The following OTOGL variants were observed in gnomAD, a reference collection of about 807,000 sequenced individuals.
OTOGL encodes the protein otogelin-like protein.
OTOGL carries 285 observed loss-of-function variants against 318.5 expected under a neutral mutation model. The observed-to-expected ratio is 0.89, with a 90% CI of 0.81 to 0.99. The LOEUF (loss-of-function observed/expected upper bound fraction) is 0.99, where lower values mean the gene tolerates loss of function less well. Ranked by LOEUF, OTOGL falls within the 50% of genes least tolerant of loss-of-function variation. The pLI, the probability that OTOGL is intolerant of heterozygous loss-of-function variation, is 0.00. For synonymous variants in OTOGL, 987 were observed against 936.5 expected, an observed-to-expected ratio of 1.05 and a Z score of -0.99; for missense variants, 2,899 against 2,845.6, an observed-to-expected ratio of 1.02 and a Z score of -0.43.
chr12:80,284,082 T>C (rs967050897), intron 26 of OTOGL, among the ~76,000 whole-genome samples: 3 of 152,094 alleles, frequency 2.0e-5, no homozygotes, highest in Non-Finnish European at 4.4e-5. Context: ...CCTGTGTCCA[T>C]GTGTTCTCAT....
chr12:80,215,236 C>T (rs1030589352), intron 4 of OTOGL, among the ~76,000 whole-genome samples: 9 of 150,648 alleles, frequency 6.0e-5, no homozygotes, highest in Admixed American at 1.3e-4. Flanking sequence ...GCCTGATCTC[C>T]GCTCACTGCA....
chr12:80,160,702 C>A (rs1043369061), intron 1 of OTOGL, among the ~76,000 whole-genome samples: 4 of 152,108 alleles, frequency 2.6e-5, no homozygotes, highest in African/African-American at 9.7e-5. Context: ...AAAAGTAGAA[C>A]TACCATTTGA....
chr12:80,166,690 A>C (rs1394818394), intron 1 of OTOGL, among the ~76,000 whole-genome samples: 1 of 152,232 alleles, frequency 6.6e-6, no homozygotes, highest in Non-Finnish European at 1.5e-5. Context: ...TTCTGATTCC[A>C]AATTCCATAT....
intron 46 of OTOGL, 96 bp downstream of exon 46, chr12:80,353,606 A>G: frequency 2.1e-6 from 2 of 969,392 alleles, no homozygotes; most frequent in South Asian, 3.6e-5. Context: ...AAGGTTTATC[A>G]AAGACAGCCT....
chr12:80,105,115 AAACG>A (rs757508126), intron 1 of OTOGL, among the ~76,000 whole-genome samples: 33 of 152,280 alleles, frequency 2.2e-4, no homozygotes, highest in Admixed American at 8.5e-4. Context: ...AAAACAAAAC[AAACG>A]AACAAAACTG....
At chr12:80,118,580 T>C (rs921289715) in intron 1 of OTOGL, among the ~76,000 whole-genome samples, 1 of 152,200 alleles carries the variant, frequency 6.6e-6, no homozygotes, top group African/African-American at 2.4e-5. Context: ...TACCAGTCAT[T>C]TGACATAATT....
At chr12:80,283,676 G>T (rs1484765588) in intron 26 of OTOGL, among the ~76,000 whole-genome samples, 1 of 151,930 alleles carries the variant, frequency 6.6e-6, no homozygotes, top group Non-Finnish European at 1.5e-5. Context: ...GAGACCACAA[G>T]CTTAAACATG....
chr12:80,171,383 G>T (rs910729461), intron 1 of OTOGL, among the ~76,000 whole-genome samples: 7 of 152,182 alleles, frequency 4.6e-5, no homozygotes, highest in Non-Finnish European at 7.4e-5. Flanking sequence ...CCTGGATGAG[G>T]TTCTTTGTTT....
intron 1 of OTOGL, among the ~76,000 whole-genome samples, chr12:80,146,474 G>C (rs1294771804): frequency 6.6e-6 from 1 of 151,620 alleles, no homozygotes; most frequent in Admixed American, 6.6e-5. Flanking sequence ...ATTTTATTGA[G>C]GATTTTTGCA....
chr12:80,174,237 G>A (rs1289677204), intron 1 of OTOGL, among the ~76,000 whole-genome samples: 2 of 152,064 alleles, frequency 1.3e-5, no homozygotes, highest in Non-Finnish European at 2.9e-5. Flanking sequence ...AGATTCACTG[G>A]TTGATTCACA....
At chr12:80,328,560 C>T in intron 35 of OTOGL, 105 bp from the exon 36 acceptor site, 2 of 849,124 alleles carry the variant, frequency 2.4e-6, no homozygotes, top group South Asian at 1.7e-5. Flanking sequence ...TATATAGAAG[C>T]ATTTTAGGAA....
At chr12:80,286,250 T>C (rs1884611853) in intron 26 of OTOGL, among the ~76,000 whole-genome samples, 2 of 152,212 alleles carry the variant, frequency 1.3e-5, no homozygotes, top group Non-Finnish European at 2.9e-5. Context: ...ATAAGCTTTT[T>C]GATATGCTGC....
chr12:80,310,841 C>A, intron 30 of OTOGL, 114 bp downstream of exon 30: 1 of 751,752 alleles, frequency 1.3e-6, no homozygotes, highest in South Asian at 2.1e-5. Flanking sequence ...GATATACCAC[C>A]TAACTATTGT....
At chr12:80,100,492 T>A (rs1869073773) in intron 1 of OTOGL, among the ~76,000 whole-genome samples, 1 of 152,128 alleles carries the variant, frequency 6.6e-6, no homozygotes, top group Non-Finnish European at 1.5e-5. Flanking sequence ...AAAAAATTTT[T>A]AAAAATGTAG....
intron 27 of OTOGL, among the ~76,000 whole-genome samples, chr12:80,299,350 T>C (rs966203201): frequency 6.6e-6 from 1 of 152,070 alleles, no homozygotes; most frequent in African/African-American, 2.4e-5. Flanking sequence ...CAAGAGAAAA[T>C]AGTAAATGGT....
chr12:80,138,045 G>C (rs1020592537), intron 1 of OTOGL, among the ~76,000 whole-genome samples: 7 of 152,176 alleles, frequency 4.6e-5, no homozygotes, highest in African/African-American at 1.7e-4. Context: ...ATAAATCTGG[G>C]GTTAGACTTT....
Position 80,302,676 on chromosome 12 carries a change from CT to C in OTOGL, c.3109del (p.Trp1037GlyfsTer7). 1 of 1,420,482 alleles carries C rather than the reference CT, an allele frequency of 7.0e-7. No individual in the cohort carries two copies. Among genetic ancestry groups the C allele is most frequent in the Non-Finnish European group, 9.2e-7 (1 of 1,085,268 alleles). The allele number at this position is 1,420,482 out of a possible 1,614,324, so 88.0% of individuals were successfully genotyped here. A position where few individuals can be genotyped will look rare whatever the true frequency, so the allele number is the denominator to read the frequency against. ...FFLENKSTYQ[L>X]WKAGYYIVVY... ...TCTGGAAAACAAATCTACCTACCAG[CT>C]TTGGAAGGCTGGTTACTATATAGTA... On this transcript the variant is annotated frameshift_variant, in exon 28 of 59. Transcript: ENST00000547103. LOFTEE classifies it high-confidence loss of function.
chr12:80,114,902 A>C (rs1338635364), intron 1 of OTOGL, among the ~76,000 whole-genome samples: 3 of 151,340 alleles, frequency 2.0e-5, no homozygotes, highest in Non-Finnish European at 2.9e-5. Context: ...CTGCTTGATC[A>C]ATTCAGCTAT....
At chr12:80,293,905 G>T (rs1413187080) in intron 26 of OTOGL, among the ~76,000 whole-genome samples, 1 of 152,080 alleles carries the variant, frequency 6.6e-6, no homozygotes, top group Non-Finnish European at 1.5e-5. Context: ...ATTTTGTGTG[G>T]GATAATTACC....
Sources: gnomAD v4.1 joint callset for allele counts (sites outside exome capture counted in the v4.1 genomes callset) on GRCh38, gnomAD v4.1.1 for gene constraint, MANE v1.5 for transcripts, NCBI Gene and HGNC (gene_info 2026-07-23, HGNC 2026-07-21) for gene names.